Variants in LAMA4 observed in about 807,000 individuals in gnomAD.
LAMA4 encodes laminin subunit alpha 4.
In LAMA4, 127 loss-of-function variants were observed where a neutral mutation model predicts 207.1. The observed-to-expected ratio is 0.61, with a 90% CI of 0.53 to 0.71. LAMA4 has a LOEUF of 0.71. LAMA4 is among the 30% of genes least tolerant of loss of function. The pLI is 0.00. For synonymous variants in LAMA4, 761 were observed against 816.0 expected (o/e 0.93, Z 1.15); for missense variants, 2,093 against 2,246.5 (o/e 0.93, Z 1.38).
chr6:112,117,591 G>A lies in LAMA4; in HGVS notation c.4981+148C>T. ...TGCATGTATGGTTTGGAGTGCAGGAGGGAGAAAGGTGGTTCTTGTGGGAAG... is the reference window on the plus strand; with the variant it reads ...TGCATGTATGGTTTGGAGTGCAGGAAGGAGAAAGGTGGTTCTTGTGGGAAG... On this transcript the variant is annotated intron_variant, in intron 35 of 38. Transcript: ENST00000230538. The surrounding 1 kb of genome is among the most constrained non-coding windows in gnomAD (Gnocchi z 4.5). 1.4e-6 allele frequency: 1 copy of A among 726,644 alleles called. No individual in the cohort carries two copies. Among genetic ancestry groups the A allele is most frequent in the Non-Finnish European group, 2.4e-6 (1 of 417,248 alleles). The allele number at this position is 726,644 out of a possible 1,614,324, so 45.0% of individuals were successfully genotyped here.
At chr6:112,248,026 GA>G (rs1428328649) in intron 2 of LAMA4, among the ~76,000 whole-genome samples, 1 of 152,204 alleles carries the variant, frequency 6.6e-6, no homozygotes, top group African/African-American at 2.4e-5. Context: ...GGAGTATTTA[GA>G]GTAGTTAAAT....
chr6:112,141,283 T>C (rs981409849), intron 21 of LAMA4, 75 bp downstream of exon 21: 11 of 1,252,062 alleles, frequency 8.8e-6, no homozygotes, highest in Admixed American at 1.7e-5. Context: ...TGTGTGTGTG[T>C]GCACGCACAT....
At chr6:112,135,454 C>T (rs1013114216) in intron 25 of LAMA4, among the ~76,000 whole-genome samples, 1 of 152,192 alleles carries the variant, frequency 6.6e-6, no homozygotes, top group Non-Finnish European at 1.5e-5. Flanking sequence ...GTAAACCATT[C>T]TCATGAGGCT....
intron 36 of LAMA4, 124 bp from the exon 37 acceptor site, chr6:112,114,880 A>G: frequency 1.3e-6 from 1 of 756,776 alleles, no homozygotes; most frequent in South Asian, 1.5e-5. Flanking sequence ...TTAGCTTTGC[A>G]ATTTGAACAC....
chr6:112,216,660 A>C (rs117552790), intron 2 of LAMA4, 191 bp from the exon 3 acceptor site: 3 of 597,052 alleles, frequency 5.0e-6, no homozygotes, highest in Non-Finnish European at 9.0e-6. Context: ...TGATGTATAT[A>C]TAATCTTCTT....
chr6:112,123,956 T>G (rs1778527228), intron 31 of LAMA4, among the ~76,000 whole-genome samples: 1 of 152,182 alleles, frequency 6.6e-6, no homozygotes, highest in Non-Finnish European at 1.5e-5. Flanking sequence ...TGGCCATAGC[T>G]TCAAGCCGTA....
chr6:112,233,395 C>T (rs1274068724), intron 2 of LAMA4, among the ~76,000 whole-genome samples: 6 of 152,162 alleles, frequency 3.9e-5, no homozygotes, highest in Admixed American at 1.3e-4. Context: ...TTTTTGAGCA[C>T]GAATTTTAAA....
At chr6:112,211,011 G>A (rs1784329948) in intron 3 of LAMA4, among the ~76,000 whole-genome samples, 1 of 152,122 alleles carries the variant, frequency 6.6e-6, no homozygotes, top group East Asian at 1.9e-4. Flanking sequence ...CAGTGTAAAG[G>A]TTTATGAGAT....
At chr6:112,222,453 C>T (rs111723130) in intron 2 of LAMA4, among the ~76,000 whole-genome samples, 118 of 152,266 alleles carry the variant, frequency 7.7e-4, no homozygotes, top group African/African-American at 2.4e-3. Context: ...GCCCCATATC[C>T]GCCATGCCTT....
intron 2 of LAMA4, among the ~76,000 whole-genome samples, chr6:112,241,182 A>AATATATATATTC (rs1165203872): frequency 8.7e-5 from 9 of 103,728 alleles, no homozygotes; most frequent in Non-Finnish European, 1.4e-4. Context: ...AATATATATG[A>AATATATATATTC]ATATATATGA....
At chr6:112,158,650 A>G (rs1780869373) in intron 14 of LAMA4, 82 bp downstream of exon 14, 2 of 1,319,032 alleles carry the variant, frequency 1.5e-6, no homozygotes, top group Non-Finnish European at 2.2e-6. Context: ...ATTGTATCCC[A>G]GTAGTTCTGA....
At chr6:112,236,066 C>T (rs1215315391) in intron 2 of LAMA4, 2 of 152,220 alleles carry the variant, frequency 1.3e-5, no homozygotes, top group African/African-American at 2.4e-5. Flanking sequence ...TCAACACCCC[C>T]GTGACGGCGT....
At chr6:112,115,757 T>G in intron 36 of LAMA4, 106 bp downstream of exon 36, 1 of 1,212,778 alleles carries the variant, frequency 8.2e-7, no homozygotes, top group East Asian at 2.4e-5. Context: ...CTATATTTCT[T>G]TTCAGTTAGG....
Position 112,142,234 on chromosome 6 carries a change from C to T in LAMA4, c.2552G>A (p.Ser851Asn). The change falls in exon 20 of 39, where the codon AGT becomes AAT. Residue 851 changes from serine to asparagine, a missense_variant. This residue lies in a region of LAMA4 where 1,704 missense variants were observed against 1,788.4 expected (regional missense o/e 0.95). Coordinates refer to ENST00000230538, the MANE Select transcript of LAMA4 (RefSeq NM_001105206.3). ...CGTGAAGGCCTTTAAGTCATCCATA[C>T]TGGTTCTCGAGTGCACTTCCACAGC... Reference protein sequence around the residue: ...QSAVEVHSRTSMDDLKAFTSL... With the variant: ...QSAVEVHSRTNMDDLKAFTSL... 1 of 1,614,076 alleles carries T rather than the reference C, an allele frequency of 6.2e-7. No homozygotes were observed. Among genetic ancestry groups the T allele is most frequent in the Non-Finnish European group, 8.5e-7 (1 of 1,179,990 alleles).
At chr6:112,239,359 T>C (rs1786202684) in intron 2 of LAMA4, among the ~76,000 whole-genome samples, 1 of 145,862 alleles carries the variant, frequency 6.9e-6, no homozygotes, top group Non-Finnish European at 1.5e-5. Context: ...GAGTCTGGAG[T>C]ATTTTTTATG....
chr6:112,173,286 G>A (rs1781832094), intron 11 of LAMA4, among the ~76,000 whole-genome samples: 1 of 152,070 alleles, frequency 6.6e-6, no homozygotes, highest in African/African-American at 2.4e-5. Context: ...TGATTTTGGT[G>A]GAAAAAAGAT....
intron 13 of LAMA4, among the ~76,000 whole-genome samples, chr6:112,160,907 T>G (rs59673150): frequency 0.024 from 3,606 of 152,302 alleles, 121 homozygotes; most frequent in East Asian, 0.099. Flanking sequence ...AATCAGCCAG[T>G]TGCTTTGCAG....
rs55988988 is a variant in LAMA4 at position 112,154,357 on chromosome 6, CAAA to C, written c.2056+491_2056+493del. Among the ~76,000 whole-genome samples, 564 of 120,234 alleles carry C rather than the reference CAAA, an allele frequency of 4.7e-3. 3 individuals carry two copies. Among genetic ancestry groups the C allele is most frequent in the African/African-American group, 0.016 (531 of 32,908 alleles). The allele number at this position is 120,234 out of a possible 152,430, so 78.9% of individuals were successfully genotyped here. On this transcript the variant is annotated intron_variant, in intron 16 of 38. Transcript: ENST00000230538. ...AGTAACCTATGTAGAACACAAACTA[CAAA>C]AAAAAAAAAAAAAAAGAAAAGCAAA...
intron 2 of LAMA4, among the ~76,000 whole-genome samples, chr6:112,219,796 G>A (rs1287301194): frequency 6.6e-6 from 1 of 152,190 alleles, no homozygotes; most frequent in Non-Finnish European, 1.5e-5. Context: ...GTAGCCCTAT[G>A]AGGTAGGTTC....
Sources: allele counts gnomAD v4.1 joint callset (sites outside exome capture counted in the v4.1 genomes callset), GRCh38; gene constraint gnomAD v4.1.1; regional missense constraint gnomAD v4.1.1; non-coding constraint Gnocchi (gnomAD v3.1); transcripts MANE v1.5; gene names NCBI Gene and HGNC (gene_info 2026-07-23, HGNC 2026-07-21).